SIRPB1: variants seen among roughly 807,000 people sequenced by gnomAD.
The protein encoded by SIRPB1 is signal regulatory protein beta 1.
SIRPB1 carries 28 observed loss-of-function variants against 34.1 expected under a neutral mutation model. The ratio of observed to expected loss-of-function variants is 0.82; its 90% CI spans 0.61 to 1.12. The LOEUF (loss-of-function observed/expected upper bound fraction) is 1.12. Among genes scored for constraint, SIRPB1 ranks in the 50% most tolerant of loss-of-function variants. The pLI, the probability that SIRPB1 is intolerant of heterozygous loss-of-function variation, is 0.00. For synonymous variants in SIRPB1, 211 were observed against 203.8 expected (o/e 1.04, Z -0.30); for missense variants, 499 against 507.0 (o/e 0.98, Z 0.15).
intron 1 of SIRPB1, among the ~76,000 whole-genome samples, chr20:1,618,989 T>C (rs1317592473): frequency 6.6e-6 from 1 of 152,044 alleles, no homozygotes; most frequent in Non-Finnish European, 1.5e-5. Flanking sequence ...TTAAATGAGG[T>C]CATTGGGGTG....
At chr20:1,617,969 A>C (rs2091654581) in intron 1 of SIRPB1, among the ~76,000 whole-genome samples, 2 of 152,184 alleles carry the variant, frequency 1.3e-5, no homozygotes, top group African/African-American at 4.8e-5. Context: ...ATTTGCAAAT[A>C]TATATACACA....
Position 1,615,570 on chromosome 20 carries a change from A to G in SIRPB1, c.76+4299T>C, listed in dbSNP as rs78904480. Among the ~76,000 whole-genome samples, 60 of 152,370 alleles carry G rather than the reference A, an allele frequency of 3.9e-4. No homozygotes were observed. The East Asian group carries it at 0.011, about 28-fold the overall frequency. ...TATTATTACTCGGTTTGTTGATGCA[A>G]TAATCCTCAACCAAACACTAGCTGA... On this transcript the variant is annotated intron_variant, in intron 1 of 5. Transcript: ENST00000381605.
At position 1,585,424 on chromosome 20, in the gene SIRPB1, G is replaced by A. The variant is rs2091418689; in HGVS notation, c.77-6730C>T. ...AGAAAACAACCCAAGTAAAATATGA[G>A]CCAAATAGCCATTTCTCAAAAGAAG... On this transcript the variant is annotated intron_variant, in intron 1 of 5. Coordinates refer to ENST00000381605, the MANE Select transcript of SIRPB1 (RefSeq NM_006065.5). 2.3e-4 allele frequency among the ~76,000 whole-genome samples: 11 copies of A among 48,748 alleles called. 5 individuals carry two copies. The highest frequency in any genetic ancestry group is 1.5e-3 in the Admixed American group (11 of 7,232). 32.0% of individuals were successfully genotyped at this position (48,748 alleles called of 152,430 possible). A position where few individuals can be genotyped will look rare whatever the true frequency, so the allele number is the denominator to read the frequency against.
chr20:1,596,655 T>G lies in SIRPB1; in HGVS notation c.77-17961A>C, dbSNP rs1190131898. On this transcript the variant is annotated intron_variant, in intron 1 of 5. Transcript: ENST00000381605. ...TAGGGTGGAGAGGAAAATGGATATT[T>G]TACATAGGGAGGTTTACATAAGTTG... 6.1e-5 allele frequency among the ~76,000 whole-genome samples: 3 copies of G among 49,346 alleles called. 1 individual carries two copies. Among genetic ancestry groups the G allele is most frequent in the Non-Finnish European group, 1.2e-4 (3 of 25,540 alleles). The allele number at this position is 49,346 out of a possible 152,430, so 32.4% of individuals were successfully genotyped here.
rs1302400134 is a variant in SIRPB1, at chr20:1,580,182, G to A, written c.77-1488C>T. 6.7e-5 allele frequency among the ~76,000 whole-genome samples: 10 copies of A among 148,214 alleles called. 1 individual carries two copies. The highest frequency in any genetic ancestry group is 1.5e-4 in the Non-Finnish European group (10 of 66,206). ...GAGCTGTGTGTCTTCTGGAGGCTCT[G>A]TTTTTTGCCTTTCCAAATTCTAGAG... On this transcript the variant is annotated intron_variant, in intron 1 of 5. Coordinates refer to ENST00000381605, the MANE Select transcript of SIRPB1 (RefSeq NM_006065.5).
intron 1 of SIRPB1, among the ~76,000 whole-genome samples, chr20:1,619,435 T>C (rs1399852120): frequency 6.6e-6 from 1 of 152,118 alleles, no homozygotes; most frequent in Non-Finnish European, 1.5e-5. Context: ...ACCACTGCCC[T>C]ACTCAAGTGA....
At chr20:1,570,672 G>C (rs1420008106) in intron 4 of SIRPB1, 133 bp downstream of exon 4, 1 of 754,852 alleles carries the variant, frequency 1.3e-6, no homozygotes, top group Non-Finnish European at 2.1e-6. Flanking sequence ...GACCCATGGA[G>C]TGTAGGATTT....
chr20:1,578,145 C>T lies in SIRPB1; in HGVS notation c.433+193G>A, dbSNP rs374097008. 3.8e-5 allele frequency: 24 copies of T among 629,118 alleles called. 1 individual carries two copies. Among genetic ancestry groups the T allele is most frequent in the African/African-American group, 2.0e-4 (11 of 54,264 alleles). The allele number at this position is 629,118 out of a possible 1,614,324, so 39.0% of individuals were successfully genotyped here. A position where few individuals can be genotyped will look rare whatever the true frequency, so the allele number is the denominator to read the frequency against. ...GCCTTCTGTCCCATCATTTACAAGCCGTGGAGCCTCGAGCGACTGCCATGA... is the reference window on the plus strand; with the variant it reads ...GCCTTCTGTCCCATCATTTACAAGCTGTGGAGCCTCGAGCGACTGCCATGA... On this transcript the variant is annotated intron_variant, in intron 2 of 5. Transcript: ENST00000381605.
Position 1,561,849 on chromosome 20 carries a change from A to G in SIRPB1, c.*3651T>C, listed in dbSNP as rs1470244648. On this transcript the variant is annotated 3_prime_UTR_variant, in exon 6 of 6. Transcript: ENST00000381605. Reference sequence around the variant, plus strand: ...TTTCCATGCTGTACTCTTTGCAAAGAAGTCGCAGTGCACAGCCCACACTTC... The same window carrying G: ...TTTCCATGCTGTACTCTTTGCAAAGGAGTCGCAGTGCACAGCCCACACTTC... 6.6e-6 allele frequency among the ~76,000 whole-genome samples: 1 copy of G among 152,182 alleles called. No individual in the cohort carries two copies. The highest frequency in any genetic ancestry group is 1.5e-5 in the Non-Finnish European group (1 of 68,034).
rs528462591 is a variant in SIRPB1 at position 1,576,234 on chromosome 20, G to A, written c.433+2104C>T. On this transcript the variant is annotated intron_variant, in intron 2 of 5. Coordinates refer to ENST00000381605, the MANE Select transcript of SIRPB1 (RefSeq NM_006065.5). ...TTGCCAATATTATCTGCACAATCAG[G>A]ATAAAGCCACCTTCCTTGTCTAAGT... 1.0e-4 allele frequency among the ~76,000 whole-genome samples: 15 copies of A among 148,036 alleles called. No homozygotes were observed. In the South Asian group the frequency reaches 2.5e-3, roughly 25 times the overall value.
rs1568714557 is a variant in SIRPB1, at chr20:1,619,916, AG to A, written c.28del (p.Leu10PhefsTer7). 2 of 1,613,898 alleles carry A rather than the reference AG, an allele frequency of 1.2e-6. No homozygotes were observed. MPVPASWPH[L>X]PSPFLLMTLL... Reference sequence around the variant, plus strand: ...CGTCATCAGCAGGAAAGGACTAGGAAGGTGGGGCCAGGAGGCTGGCACGGGC... The same window carrying A: ...CGTCATCAGCAGGAAAGGACTAGGAAGTGGGGCCAGGAGGCTGGCACGGGC... On this transcript the variant is annotated frameshift_variant, in exon 1 of 6. Coordinates refer to ENST00000381605, the MANE Select transcript of SIRPB1 (RefSeq NM_006065.5). LOFTEE classifies it high-confidence loss of function.
intron 2 of SIRPB1, among the ~76,000 whole-genome samples, chr20:1,573,940 C>CA (rs1451124921): frequency 1.4e-5 from 2 of 140,724 alleles, no homozygotes; most frequent in African/African-American, 5.1e-5. Flanking sequence ...ATTCTTTAGG[C>CA]AACAGAACAA....
At chr20:1,578,269 G>T in intron 2 of SIRPB1, 69 bp downstream of exon 2, 2 of 1,492,894 alleles carry the variant, frequency 1.3e-6, no homozygotes, top group East Asian at 4.5e-5. Context: ...GTTGCTCCAA[G>T]AATGGATAAT....
Position 1,610,463 on chromosome 20 carries a change from T to G in SIRPB1, c.76+9406A>C, listed in dbSNP as rs1232196988. On this transcript the variant is annotated intron_variant, in intron 1 of 5. Coordinates refer to ENST00000381605, the MANE Select transcript of SIRPB1 (RefSeq NM_006065.5). The stretch of plus-strand genomic sequence containing the variant: ...CTGGATGGTCTGAAGGTCCTTCCTG[T>G]GCTGACATTCCATAATTCAGGACTT... Among the ~76,000 whole-genome samples, 2 of 72,694 alleles carry G rather than the reference T, an allele frequency of 2.8e-5. 1 individual carries two copies. Among genetic ancestry groups the G allele is most frequent in the Non-Finnish European group, 5.2e-5 (2 of 38,594 alleles). 47.7% of individuals were successfully genotyped at this position (72,694 alleles called of 152,430 possible). A position where few individuals can be genotyped will look rare whatever the true frequency, so the allele number is the denominator to read the frequency against.
chr20:1,598,731 C>T lies in SIRPB1; in HGVS notation c.77-20037G>A. ...GTCACCTTCTCTAAACTCCACTGAC[C>T]CTGATGCTGCATGATATGTGGGCTG... On this transcript the variant is annotated intron_variant, in intron 1 of 5. Coordinates refer to ENST00000381605, the MANE Select transcript of SIRPB1 (RefSeq NM_006065.5). 4 of 245,482 alleles carry T rather than the reference C, an allele frequency of 1.6e-5. 2 individuals are homozygous for T. Among genetic ancestry groups the T allele is most frequent in the Non-Finnish European group, 2.9e-5 (4 of 138,502 alleles). 15.2% of individuals were successfully genotyped at this position (245,482 alleles called of 1,614,324 possible). A position where few individuals can be genotyped will look rare whatever the true frequency, so the allele number is the denominator to read the frequency against.
At position 1,564,638 on chromosome 20, in the gene SIRPB1, C is replaced by T; in HGVS notation, c.*862G>A. On this transcript the variant is annotated 3_prime_UTR_variant, in exon 6 of 6. Transcript: ENST00000381605. Reference sequence around the variant, plus strand: ...TAACTCTGAGGTTTCCAGCAGCAGGCTTGGACTGGGCCCTGAAAACCAATT... The same window carrying T: ...TAACTCTGAGGTTTCCAGCAGCAGGTTTGGACTGGGCCCTGAAAACCAATT... 1 of 313,450 alleles carries T rather than the reference C, an allele frequency of 3.2e-6. No individual in the cohort carries two copies. The highest frequency in any genetic ancestry group is 5.8e-6 in the Non-Finnish European group (1 of 172,176). The allele number at this position is 313,450 out of a possible 1,614,324, so 19.4% of individuals were successfully genotyped here.
chr20:1,615,407 C>A (rs2091615634), intron 1 of SIRPB1, among the ~76,000 whole-genome samples: 1 of 152,202 alleles, frequency 6.6e-6, no homozygotes, highest in African/African-American at 2.4e-5. Context: ...TCCTGTCGTA[C>A]TCTTTAACCA....
chr20:1,585,073 C>T lies in SIRPB1; in HGVS notation c.77-6379G>A, dbSNP rs181104466. On this transcript the variant is annotated intron_variant, in intron 1 of 5. Coordinates refer to ENST00000381605, the MANE Select transcript of SIRPB1 (RefSeq NM_006065.5). The stretch of plus-strand genomic sequence containing the variant: ...CCATGTGTAGAGAAATGAAATTAGA[C>T]CTCTGTCTCATACCACATACAAAAA... Among the ~76,000 whole-genome samples, 36 of 48,924 alleles carry T rather than the reference C, an allele frequency of 7.4e-4. 14 individuals are homozygous for T. The highest frequency in any genetic ancestry group is 1.4e-3 in the Non-Finnish European group (36 of 25,334). The allele number at this position is 48,924 out of a possible 152,430, so 32.1% of individuals were successfully genotyped here.
At chr20:1,615,740 T>C (rs1267706033) in intron 1 of SIRPB1, among the ~76,000 whole-genome samples, 1 of 152,236 alleles carries the variant, frequency 6.6e-6, no homozygotes, top group Non-Finnish European at 1.5e-5. Flanking sequence ...ATTATCTCAT[T>C]TGATGCAAAA....
Sources: allele counts gnomAD v4.1 joint callset (sites outside exome capture counted in the v4.1 genomes callset), GRCh38; gene constraint gnomAD v4.1.1; transcripts MANE v1.5; gene names NCBI Gene and HGNC (gene_info 2026-07-23, HGNC 2026-07-21).